Variants in RNGTT observed in about 807,000 individuals in gnomAD.
The protein encoded by RNGTT is mRNA-capping enzyme.
A neutral mutation model predicts 79.3 loss-of-function variants in RNGTT; 33 were observed. The observed-to-expected ratio is 0.42, with a 90% CI of 0.32 to 0.56. The LOEUF (loss-of-function observed/expected upper bound fraction) is 0.56, where lower values mean the gene tolerates loss of function less well. Among genes scored for constraint, RNGTT ranks in the 20% least tolerant of loss-of-function variants. The probability of loss-of-function intolerance (pLI) is 0.17; values close to 1 mark genes in which losing one functional copy is unlikely to be tolerated. For synonymous variants in RNGTT, 222 were observed against 235.9 expected (o/e 0.94, Z 0.54); for missense variants, 497 against 739.1 (o/e 0.67, Z 3.80).
intron 8 of RNGTT, among the ~76,000 whole-genome samples, chr6:88,862,252 G>A (rs1466043368): frequency 2.0e-5 from 3 of 152,132 alleles, no homozygotes; most frequent in Non-Finnish European, 4.4e-5. Flanking sequence ...AGAGTGTTGG[G>A]ACTTTCAACA....
chr6:88,652,634 A>G (rs1251748217), intron 14 of RNGTT, among the ~76,000 whole-genome samples: 1 of 152,118 alleles, frequency 6.6e-6, no homozygotes, highest in Admixed American at 6.6e-5. Context: ...TATGATCTAG[A>G]CTTGGAGTTT....
chr6:88,695,255 C>T (rs757449382), intron 13 of RNGTT, among the ~76,000 whole-genome samples: 13 of 151,958 alleles, frequency 8.6e-5, no homozygotes, highest in South Asian at 2.1e-4. Flanking sequence ...TATCTGTAAG[C>T]GAGACATTTG....
intron 14 of RNGTT, among the ~76,000 whole-genome samples, chr6:88,669,009 A>G (rs944578724): frequency 6.6e-6 from 1 of 152,230 alleles, no homozygotes; most frequent in African/African-American, 2.4e-5. Context: ...GCCTACAAAA[A>G]GGAAAAAGTA....
At chr6:88,756,957 C>T (rs1318682592) in intron 13 of RNGTT, among the ~76,000 whole-genome samples, 1 of 152,158 alleles carries the variant, frequency 6.6e-6, no homozygotes, top group Non-Finnish European at 1.5e-5. Flanking sequence ...AAAAAAATTA[C>T]ACAATTTTAT....
chr6:88,853,815 A>G, intron 8 of RNGTT, 51 bp from the exon 9 acceptor site: 1 of 1,144,874 alleles, frequency 8.7e-7, no homozygotes, highest in Non-Finnish European at 1.2e-6. Flanking sequence ...TATCAAGAAC[A>G]GGGTCATGAG....
chr6:88,664,046 T>C (rs2127783126), intron 14 of RNGTT, among the ~76,000 whole-genome samples: 1 of 152,246 alleles, frequency 6.6e-6, no homozygotes, highest in Admixed American at 6.5e-5. Flanking sequence ...AGCAACTAAG[T>C]GGCTGGAAGA....
intron 14 of RNGTT, among the ~76,000 whole-genome samples, chr6:88,671,988 A>G (rs1562184890): frequency 6.6e-6 from 1 of 152,188 alleles, no homozygotes; most frequent in South Asian, 2.1e-4. Context: ...CTTAAATTTA[A>G]GACCTGAAAC....
intron 12 of RNGTT, among the ~76,000 whole-genome samples, chr6:88,785,036 G>A (rs1164803450): frequency 6.6e-6 from 1 of 151,852 alleles, no homozygotes; most frequent in Non-Finnish European, 1.5e-5. Flanking sequence ...GTATTATCTG[G>A]TTTAAAAATT....
intron 4 of RNGTT, among the ~76,000 whole-genome samples, chr6:88,924,961 TCCTCCCATCTTAG>T (rs750311282): frequency 6.6e-5 from 10 of 152,094 alleles, no homozygotes; most frequent in Non-Finnish European, 1.5e-4. Flanking sequence ...CTTCAAGTGA[TCCTCCCATCTTAG>T]CCTCCCAAAG....
intron 6 of RNGTT, among the ~76,000 whole-genome samples, chr6:88,894,590 G>C (rs373963731): frequency 6.6e-6 from 1 of 152,112 alleles, no homozygotes; most frequent in Non-Finnish European, 1.5e-5. Flanking sequence ...TTGAAGGACC[G>C]CATGTACACA....
At chr6:88,902,169 A>C (rs1486857013) in intron 6 of RNGTT, among the ~76,000 whole-genome samples, 1 of 152,156 alleles carries the variant, frequency 6.6e-6, no homozygotes, top group East Asian at 1.9e-4. Context: ...CCTGGATGAC[A>C]GAGTGAGATC....
intron 11 of RNGTT, among the ~76,000 whole-genome samples, chr6:88,828,083 T>G (rs1352013629): frequency 6.6e-6 from 1 of 152,142 alleles, no homozygotes. Flanking sequence ...CTGACCCCAG[T>G]GCCTACTGAC....
At chr6:88,624,537 A>G (rs1772555428) in intron 14 of RNGTT, among the ~76,000 whole-genome samples, 1 of 151,954 alleles carries the variant, frequency 6.6e-6, no homozygotes, top group Non-Finnish European at 1.5e-5. Context: ...TACATAAAAT[A>G]CGCATCTCAA....
intron 14 of RNGTT, among the ~76,000 whole-genome samples, chr6:88,650,851 G>C (rs1476802206): frequency 2.6e-5 from 4 of 152,140 alleles, no homozygotes; most frequent in Non-Finnish European, 5.9e-5. Context: ...TTCTAAAAAT[G>C]ACAGGTAGGA....
intron 12 of RNGTT, among the ~76,000 whole-genome samples, chr6:88,799,417 G>A (rs1470691470): frequency 6.6e-6 from 1 of 152,014 alleles, no homozygotes; most frequent in Non-Finnish European, 1.5e-5. Context: ...GTGTGGTTAC[G>A]GCCCGGCGCG....
At position 88,628,699 on chromosome 6, in the gene RNGTT, A is replaced by G. The variant is rs1221431683; in HGVS notation, c.1507-14304T>C. Among the ~76,000 whole-genome samples, 3 of 152,190 alleles carry G rather than the reference A, an allele frequency of 2.0e-5. No individual in the cohort carries two copies. In the East Asian group the frequency reaches 5.8e-4, roughly 29 times the overall value. On this transcript the variant is annotated intron_variant, in intron 14 of 15. Coordinates refer to ENST00000369485, the MANE Select transcript of RNGTT (RefSeq NM_003800.5). The stretch of plus-strand genomic sequence containing the variant: ...ATACACTGTTATCCTTTTTATAATA[A>G]TGAGGAAATTAAGAATGAGAATATT...
At chr6:88,732,443 G>A (rs1211874563) in intron 13 of RNGTT, among the ~76,000 whole-genome samples, 1 of 152,146 alleles carries the variant, frequency 6.6e-6, no homozygotes, top group East Asian at 1.9e-4. Context: ...GCAAAAAACA[G>A]TATGGCAGTT....
intron 12 of RNGTT, among the ~76,000 whole-genome samples, chr6:88,795,096 G>C (rs1779552077): frequency 1.3e-5 from 2 of 152,180 alleles, no homozygotes; most frequent in African/African-American, 4.8e-5. Context: ...TGCTATAAAA[G>C]TGATGATAGA....
intron 11 of RNGTT, among the ~76,000 whole-genome samples, chr6:88,819,860 T>C (rs1780442493): frequency 6.6e-6 from 1 of 152,170 alleles, no homozygotes; most frequent in Non-Finnish European, 1.5e-5. Context: ...GAGGCATTTC[T>C]ATCTACCTGC....
Sources: allele counts gnomAD v4.1 joint callset (sites outside exome capture counted in the v4.1 genomes callset), GRCh38; gene constraint gnomAD v4.1.1; transcripts MANE v1.5; gene names NCBI Gene and HGNC (gene_info 2026-07-23, HGNC 2026-07-21).